Variants in CNTNAP2 observed in about 807,000 individuals in gnomAD.
The protein encoded by CNTNAP2 is contactin associated protein 2.
CNTNAP2 carries 98 observed loss-of-function variants against 155.2 expected under a neutral mutation model. The ratio of observed to expected loss-of-function variants is 0.63; its 90% confidence interval spans 0.54 to 0.75. The LOEUF is 0.75. Ranked by LOEUF, CNTNAP2 falls within the 30% of genes least tolerant of loss-of-function variation. The pLI, the probability that CNTNAP2 is intolerant of heterozygous loss-of-function variation, is 0.00. For synonymous variants in CNTNAP2, 651 were observed against 631.2 expected (o/e 1.03, Z -0.47); for missense variants, 1,727 against 1,688.1 (o/e 1.02, Z -0.40).
At chr7:147,305,995 AT>A (rs1364706920) in intron 9 of CNTNAP2, among the ~76,000 whole-genome samples, 1 of 151,966 alleles carries the variant, frequency 6.6e-6, no homozygotes, top group African/African-American at 2.4e-5. Flanking sequence ...CCGCATCTGA[AT>A]TTCCTTCCTC....
At chr7:148,409,548 T>C in intron 23 of CNTNAP2, 77 bp downstream of exon 23, 2 of 1,343,488 alleles carry the variant, frequency 1.5e-6, no homozygotes, top group Non-Finnish European at 2.1e-6. Context: ...CATAGTAGTC[T>C]AGGAAAAAAA....
At chr7:147,321,370 C>T (rs1795347789) in intron 9 of CNTNAP2, among the ~76,000 whole-genome samples, 1 of 152,172 alleles carries the variant, frequency 6.6e-6, no homozygotes, top group South Asian at 2.1e-4. Context: ...CTAAAGCTGC[C>T]TCTTGGCAGC....
chr7:147,123,779 G>A (rs964490892), intron 6 of CNTNAP2, among the ~76,000 whole-genome samples: 3 of 151,902 alleles, frequency 2.0e-5, no homozygotes, highest in Non-Finnish European at 4.4e-5. Context: ...GGTGGCTCAC[G>A]CCTGTAATCC....
intron 8 of CNTNAP2, among the ~76,000 whole-genome samples, chr7:147,211,956 C>T (rs1224440574): frequency 6.6e-6 from 1 of 151,906 alleles, no homozygotes; most frequent in Non-Finnish European, 1.5e-5. Context: ...AGATGCTGAT[C>T]AAAATAAGAT....
At chr7:147,919,213 CT>C (rs1800214909) in intron 14 of CNTNAP2, among the ~76,000 whole-genome samples, 1 of 152,008 alleles carries the variant, frequency 6.6e-6, no homozygotes, top group Non-Finnish European at 1.5e-5. Context: ...CCTGACACAC[CT>C]TGATCTTAAT....
At chr7:148,259,628 G>A (rs139765270) in intron 20 of CNTNAP2, among the ~76,000 whole-genome samples, 68 of 152,288 alleles carry the variant, frequency 4.5e-4, no homozygotes, top group Non-Finnish European at 8.4e-4. Context: ...ACCGGTCCAG[G>A]AGAACCCACG....
chr7:147,126,176 GA>G (rs1801230475), intron 6 of CNTNAP2, among the ~76,000 whole-genome samples: 2 of 152,146 alleles, frequency 1.3e-5, no homozygotes, highest in African/African-American at 2.4e-5. Context: ...GTGCCCAGCT[GA>G]AAAGCATTAT....
intron 1 of CNTNAP2, among the ~76,000 whole-genome samples, chr7:146,374,117 A>G (rs900624808): frequency 2.4e-4 from 36 of 152,158 alleles, no homozygotes; most frequent in Admixed American, 1.7e-3. Flanking sequence ...TTACAGAACT[A>G]GGGTTGGCTT....
At chr7:146,284,049 A>G (rs1330879147) in intron 1 of CNTNAP2, among the ~76,000 whole-genome samples, 2 of 151,626 alleles carry the variant, frequency 1.3e-5, no homozygotes, top group African/African-American at 4.9e-5. Context: ...GATCAGAGAT[A>G]AAAAAATTAC....
intron 2 of CNTNAP2, among the ~76,000 whole-genome samples, chr7:146,804,475 A>C (rs915606204): frequency 6.6e-6 from 1 of 152,238 alleles, no homozygotes; most frequent in Non-Finnish European, 1.5e-5. Context: ...TCACCTAGGA[A>C]GGAGAGATAA....
At chr7:146,551,946 A>T (rs1798128878) in intron 1 of CNTNAP2, among the ~76,000 whole-genome samples, 1 of 152,076 alleles carries the variant, frequency 6.6e-6, no homozygotes, top group Admixed American at 6.6e-5. Context: ...GTGATGAGTA[A>T]GATACAATCT....
At chr7:146,184,923 ACTAT>A (rs1798601021) in intron 1 of CNTNAP2, among the ~76,000 whole-genome samples, 1 of 152,146 alleles carries the variant, frequency 6.6e-6, no homozygotes, top group African/African-American at 2.4e-5. Flanking sequence ...TACAAGTGTC[ACTAT>A]CTCTCTTTCC....
At chr7:146,727,059 T>C (rs530862102) in intron 1 of CNTNAP2, among the ~76,000 whole-genome samples, 21 of 152,244 alleles carry the variant, frequency 1.4e-4, no homozygotes, top group African/African-American at 4.6e-4. Flanking sequence ...AATGCTTGAA[T>C]TTGGAATTAT....
intron 23 of CNTNAP2, among the ~76,000 whole-genome samples, chr7:148,410,102 G>T (rs577318761): frequency 1.7e-4 from 26 of 150,716 alleles, no homozygotes; most frequent in Middle Eastern, 3.4e-3. Context: ...ATGTAACCTG[G>T]CTACTTTTTA....
At chr7:147,020,089 T>C (rs754286479) in intron 3 of CNTNAP2, among the ~76,000 whole-genome samples, 7 of 152,096 alleles carry the variant, frequency 4.6e-5, no homozygotes, top group Non-Finnish European at 7.4e-5. Context: ...TAGTGTAGTA[T>C]AGATGAAATA....
chr7:147,740,861 C>T (rs1796944767), intron 13 of CNTNAP2, among the ~76,000 whole-genome samples: 1 of 152,124 alleles, frequency 6.6e-6, no homozygotes, highest in African/African-American at 2.4e-5. Context: ...CGAAGGGGAG[C>T]AAGAGGGAGG....
At chr7:148,124,358 A>C (rs1056831227) in intron 16 of CNTNAP2, among the ~76,000 whole-genome samples, 1 of 152,230 alleles carries the variant, frequency 6.6e-6, no homozygotes, top group Non-Finnish European at 1.5e-5. Context: ...CCCAGACTCT[A>C]AACTTTTCTT....
intron 18 of CNTNAP2, among the ~76,000 whole-genome samples, chr7:148,185,821 G>T (rs1480378444): frequency 6.6e-6 from 1 of 152,180 alleles, no homozygotes; most frequent in African/African-American, 2.4e-5. Flanking sequence ...ATTAAGTCAT[G>T]TAAGTCAAAT....
chr7:147,625,954 T>A (rs1274853609), intron 12 of CNTNAP2, among the ~76,000 whole-genome samples: 2 of 151,898 alleles, frequency 1.3e-5, no homozygotes, highest in Middle Eastern at 6.8e-3. Context: ...ATTTAGGGAG[T>A]CACATGAAAT....
Sources: allele counts gnomAD v4.1 joint callset (sites outside exome capture counted in the v4.1 genomes callset), GRCh38; gene constraint gnomAD v4.1.1; transcripts MANE v1.5; gene names NCBI Gene and HGNC (gene_info 2026-07-23, HGNC 2026-07-21).